Variants in PPP1R9A observed in about 807,000 individuals in gnomAD.
The protein encoded by PPP1R9A is neurabin-1.
Under a neutral mutation model 141.9 loss-of-function variants are expected in PPP1R9A, and 59 were observed. That is an observed-to-expected ratio of 0.42 (90% CI 0.34 to 0.52). The LOEUF (loss-of-function observed/expected upper bound fraction) is 0.52, where lower values mean the gene tolerates loss of function less well. PPP1R9A is among the 20% of genes least tolerant of loss of function. The pLI is 0.10. For synonymous variants in PPP1R9A, 500 were observed against 569.7 expected, an observed-to-expected ratio of 0.88 and a Z score of 1.74; for missense variants, 1,444 against 1,611.9, an observed-to-expected ratio of 0.90 and a Z score of 1.78.
intron 2 of PPP1R9A, among the ~76,000 whole-genome samples, chr7:95,102,780 A>G (rs951340333): frequency 2.0e-5 from 3 of 152,196 alleles, no homozygotes; most frequent in African/African-American, 7.2e-5. Context: ...AGGAAGTCAT[A>G]TTCCTGACTA....
chr7:95,136,973 A>G (rs1341029451), intron 4 of PPP1R9A, among the ~76,000 whole-genome samples: 1 of 152,188 alleles, frequency 6.6e-6, no homozygotes, highest in African/African-American at 2.4e-5. Context: ...TTGGATAGGC[A>G]GGTGACTTCA....
rs1054677198 is a variant in PPP1R9A, at chr7:95,291,164, C to T, written c.*861C>T. On this transcript the variant is annotated 3_prime_UTR_variant, in exon 20 of 20. Transcript: ENST00000433360. ...GGCAAACACAACACAGTTCCTCTTC[C>T]CCCTACCTAACCCAAGAAATTGAAC... The T allele has an allele frequency of 1.3e-5, 2 of 152,126 alleles. No individual in the cohort carries two copies. Among genetic ancestry groups the T allele is most frequent in the African/African-American group, 4.8e-5 (2 of 41,414 alleles). The allele number at this position is 152,126 out of a possible 1,614,324, so 9.4% of individuals were successfully genotyped here. A position where few individuals can be genotyped will look rare whatever the true frequency, so the allele number is the denominator to read the frequency against.
intron 16 of PPP1R9A, among the ~76,000 whole-genome samples, chr7:95,279,367 A>ATG (rs1267301053): frequency 1.3e-5 from 2 of 152,168 alleles, no homozygotes; most frequent in Non-Finnish European, 2.9e-5. Context: ...AGATGAGCAC[A>ATG]TGTGTGTGAG....
intron 2 of PPP1R9A, among the ~76,000 whole-genome samples, chr7:95,039,881 A>T (rs1404491615): frequency 6.6e-6 from 1 of 152,196 alleles, no homozygotes; most frequent in African/African-American, 2.4e-5. Flanking sequence ...AAAATTAATG[A>T]CAGATAGAAA....
At chr7:94,995,847 A>T (rs1584181340) in intron 2 of PPP1R9A, among the ~76,000 whole-genome samples, 1 of 152,202 alleles carries the variant, frequency 6.6e-6, no homozygotes, top group Admixed American at 6.5e-5. Context: ...AGACTCTGTG[A>T]TTGGATACCA....
chr7:95,051,741 A>G (rs997889927), intron 2 of PPP1R9A, among the ~76,000 whole-genome samples: 7 of 152,200 alleles, frequency 4.6e-5, no homozygotes, highest in African/African-American at 1.7e-4. Flanking sequence ...CTCAATTACA[A>G]AAGATCCTTT....
At chr7:94,985,739 G>T (rs747134613) in intron 2 of PPP1R9A, among the ~76,000 whole-genome samples, 22 of 151,982 alleles carry the variant, frequency 1.4e-4, no homozygotes, top group Non-Finnish European at 2.6e-4. Context: ...ACGTGAGATA[G>T]GTCTTAGAGG....
At chr7:95,213,705 T>C (rs758247148) in intron 7 of PPP1R9A, among the ~76,000 whole-genome samples, 24 of 152,164 alleles carry the variant, frequency 1.6e-4, no homozygotes, top group Non-Finnish European at 2.9e-4. Flanking sequence ...AGCCATTTCT[T>C]AACTGTAGAC....
chr7:94,977,209 A>G (rs984771515), intron 2 of PPP1R9A, among the ~76,000 whole-genome samples: 3 of 152,026 alleles, frequency 2.0e-5, no homozygotes, highest in Admixed American at 6.6e-5. Context: ...TTTAGGGGAG[A>G]TGTCTGGGTT....
At chr7:95,133,979 G>A (rs538101860) in intron 4 of PPP1R9A, among the ~76,000 whole-genome samples, 11 of 152,098 alleles carry the variant, frequency 7.2e-5, no homozygotes, top group African/African-American at 2.2e-4. Context: ...CACAACACTC[G>A]GCCCTAGGTG....
chr7:95,083,475 G>C (rs968209534), intron 2 of PPP1R9A, among the ~76,000 whole-genome samples: 2 of 151,908 alleles, frequency 1.3e-5, no homozygotes, highest in Non-Finnish European at 2.9e-5. Context: ...GTGGCCTCTT[G>C]CTTCTGCTGT....
chr7:95,249,775 C>T (rs943898589), intron 9 of PPP1R9A, among the ~76,000 whole-genome samples: 1 of 152,108 alleles, frequency 6.6e-6, no homozygotes, highest in Non-Finnish European at 1.5e-5. Flanking sequence ...ATGGAAATAT[C>T]GTGTGAGGTG....
chr7:95,019,352 C>T (rs1162620971), intron 2 of PPP1R9A, among the ~76,000 whole-genome samples: 1 of 152,184 alleles, frequency 6.6e-6, no homozygotes, highest in African/African-American at 2.4e-5. Context: ...CACTGCACTC[C>T]AGCCTGGGCG....
At chr7:95,240,206 A>G (rs1429438156) in intron 8 of PPP1R9A, among the ~76,000 whole-genome samples, 2 of 151,010 alleles carry the variant, frequency 1.3e-5, no homozygotes, top group African/African-American at 4.9e-5. Flanking sequence ...TTATTGTTTT[A>G]AGAGTGTTTT....
intron 4 of PPP1R9A, among the ~76,000 whole-genome samples, chr7:95,141,045 C>A (rs1386423332): frequency 6.6e-6 from 1 of 152,130 alleles, no homozygotes; most frequent in Non-Finnish European, 1.5e-5. Context: ...GAAACCACCA[C>A]AATAAACAAT....
At chr7:95,181,893 A>G (rs1469562505) in intron 5 of PPP1R9A, among the ~76,000 whole-genome samples, 1 of 151,002 alleles carries the variant, frequency 6.6e-6, no homozygotes, top group Non-Finnish European at 1.5e-5. Context: ...CCTCGATGAG[A>G]TTGGAGACTA....
chr7:95,039,095 AAC>A (rs1183547435), intron 2 of PPP1R9A, among the ~76,000 whole-genome samples: 2 of 152,212 alleles, frequency 1.3e-5, no homozygotes, highest in Non-Finnish European at 2.9e-5. Context: ...GGCAAGAAAG[AAC>A]ACAGTCTGAA....
At chr7:95,059,447 A>G (rs1386700024) in intron 2 of PPP1R9A, among the ~76,000 whole-genome samples, 2 of 152,166 alleles carry the variant, frequency 1.3e-5, no homozygotes, top group African/African-American at 2.4e-5. Flanking sequence ...GGCTAACCAT[A>G]CAAGAGAATA....
chr7:95,126,088 G>A (rs142918848), intron 4 of PPP1R9A, among the ~76,000 whole-genome samples: 221 of 151,926 alleles, frequency 1.5e-3, no homozygotes, highest in Non-Finnish European at 2.3e-3. Flanking sequence ...CCTTAGATTT[G>A]GGCTATTACT....
Sources: gnomAD v4.1 joint callset for allele counts (sites outside exome capture counted in the v4.1 genomes callset) on GRCh38, gnomAD v4.1.1 for gene constraint, MANE v1.5 for transcripts, NCBI Gene and HGNC (gene_info 2026-07-23, HGNC 2026-07-21) for gene names.